Variants in TMTC2 observed in about 807,000 individuals in gnomAD.
TMTC2 encodes the protein protein O-mannosyl-transferase TMTC2.
A neutral mutation model predicts 82.4 loss-of-function variants in TMTC2; 43 were observed. The observed-to-expected ratio is 0.52, with a 90% CI of 0.41 to 0.67. The LOEUF (loss-of-function observed/expected upper bound fraction) is 0.67. Among genes scored for constraint, TMTC2 ranks in the 30% least tolerant of loss-of-function variants. The probability of loss-of-function intolerance (pLI) is 0.00; values close to 1 mark genes in which losing one functional copy is unlikely to be tolerated. For synonymous variants in TMTC2, 408 were observed against 381.9 expected, an observed-to-expected ratio of 1.07 and a Z score of -0.80; for missense variants, 919 against 1,012.4, an observed-to-expected ratio of 0.91 and a Z score of 1.25.
intron 4 of TMTC2, among the ~76,000 whole-genome samples, chr12:82,939,362 T>C (rs1876577907): frequency 6.6e-6 from 1 of 152,220 alleles, no homozygotes; most frequent in Middle Eastern, 3.4e-3. Context: ...TTAATTTCTA[T>C]ATAGAAAAAA....
intron 11 of TMTC2, among the ~76,000 whole-genome samples, chr12:83,074,570 G>A (rs1265339954): frequency 6.6e-6 from 1 of 152,028 alleles, no homozygotes; most frequent in Non-Finnish European, 1.5e-5. Context: ...TGTGTACCTA[G>A]GAGGATCATG....
intron 4 of TMTC2, among the ~76,000 whole-genome samples, chr12:82,958,364 A>C (rs1450463156): frequency 3.9e-5 from 4 of 103,550 alleles, no homozygotes; most frequent in East Asian, 2.4e-4. Context: ...CAAAAAAAAA[A>C]AAAAAACAAA....
intron 1 of TMTC2, among the ~76,000 whole-genome samples, chr12:82,739,152 A>G (rs999810762): frequency 1.3e-5 from 2 of 151,754 alleles, no homozygotes; most frequent in Non-Finnish European, 2.9e-5. Context: ...TGTCTTAAAA[A>G]AAAAAAAAAA....
chr12:82,976,943 A>G (rs966822238), intron 7 of TMTC2, among the ~76,000 whole-genome samples: 11 of 152,202 alleles, frequency 7.2e-5, no homozygotes, highest in Non-Finnish European at 1.3e-4. Flanking sequence ...GGTATTTGTC[A>G]GCTATTTATC....
intron 11 of TMTC2, among the ~76,000 whole-genome samples, chr12:83,122,723 G>C (rs961533804): frequency 3.9e-5 from 6 of 152,102 alleles, no homozygotes; most frequent in African/African-American, 1.4e-4. Flanking sequence ...AGGGTATGTG[G>C]GTCCTCTCAG....
chr12:82,902,325 T>C (rs753052466), intron 3 of TMTC2, among the ~76,000 whole-genome samples: 3 of 152,132 alleles, frequency 2.0e-5, no homozygotes, highest in Non-Finnish European at 2.9e-5. Context: ...TCCAGCAGCT[T>C]GTCAAAATGA....
At chr12:82,979,830 C>A (rs1221322033) in intron 7 of TMTC2, among the ~76,000 whole-genome samples, 1 of 151,738 alleles carries the variant, frequency 6.6e-6, no homozygotes, top group Non-Finnish European at 1.5e-5. Context: ...GTCTATTTCT[C>A]CTTCATGTTT....
At chr12:82,717,207 G>A (rs1873941690) in intron 1 of TMTC2, among the ~76,000 whole-genome samples, 1 of 150,118 alleles carries the variant, frequency 6.7e-6, no homozygotes, top group African/African-American at 2.5e-5. Context: ...TTACTTTACA[G>A]GCAAAAGGCA....
chr12:82,761,411 G>A (rs566656189), intron 1 of TMTC2, among the ~76,000 whole-genome samples: 3 of 152,270 alleles, frequency 2.0e-5, no homozygotes, highest in African/African-American at 7.2e-5. Context: ...AGTGTCAGTT[G>A]GGATGGAGAT....
intron 1 of TMTC2, among the ~76,000 whole-genome samples, chr12:82,809,279 A>G (rs1000462572): frequency 1.3e-5 from 2 of 152,030 alleles, no homozygotes; most frequent in Admixed American, 6.6e-5. Context: ...GATTTTTTTA[A>G]CAGAGAAAAA....
chr12:82,930,750 T>C (rs574733275), intron 4 of TMTC2, among the ~76,000 whole-genome samples: 3 of 152,220 alleles, frequency 2.0e-5, no homozygotes, highest in Non-Finnish European at 2.9e-5. Context: ...TGTGTACTTA[T>C]ATGTTATGCC....
At chr12:83,047,535 A>G (rs903222815) in intron 9 of TMTC2, among the ~76,000 whole-genome samples, 1 of 152,210 alleles carries the variant, frequency 6.6e-6, no homozygotes, top group Non-Finnish European at 1.5e-5. Flanking sequence ...CTGTGCCTTT[A>G]TCACATAGCA....
chr12:82,865,366 C>T (rs1871792638), intron 2 of TMTC2, among the ~76,000 whole-genome samples: 1 of 152,140 alleles, frequency 6.6e-6, no homozygotes, highest in Non-Finnish European at 1.5e-5. Flanking sequence ...CAATCCTAGT[C>T]TCTGATAAAA....
intron 1 of TMTC2, among the ~76,000 whole-genome samples, chr12:82,690,849 G>A (rs1256010877): frequency 6.6e-6 from 1 of 152,050 alleles, no homozygotes; most frequent in Admixed American, 6.6e-5. Context: ...GAGAAATTTG[G>A]TGTTTAGGTC....
chr12:82,980,433 A>T (rs1322844875), intron 7 of TMTC2, among the ~76,000 whole-genome samples: 9 of 151,736 alleles, frequency 5.9e-5, no homozygotes, highest in Admixed American at 5.9e-4. Flanking sequence ...AAGTTCTCAA[A>T]CTCCATGGAG....
At chr12:82,876,671 T>C (rs924373926) in intron 2 of TMTC2, among the ~76,000 whole-genome samples, 2 of 152,224 alleles carry the variant, frequency 1.3e-5, no homozygotes, top group Non-Finnish European at 2.9e-5. Context: ...TTTTTAAGTA[T>C]AACTTTATAA....
At chr12:82,877,002 C>G (rs1872614951) in intron 2 of TMTC2, among the ~76,000 whole-genome samples, 1 of 152,086 alleles carries the variant, frequency 6.6e-6, no homozygotes, top group Middle Eastern at 3.4e-3. Flanking sequence ...TCCAAATTGG[C>G]TAATTTAAAA....
At chr12:83,002,967 G>GT (rs747114843) in intron 8 of TMTC2, among the ~76,000 whole-genome samples, 2 of 151,802 alleles carry the variant, frequency 1.3e-5, no homozygotes, top group Middle Eastern at 3.4e-3. Context: ...GTTTTGTTTT[G>GT]TTTTTTAGTT....
intron 9 of TMTC2, among the ~76,000 whole-genome samples, chr12:83,033,805 C>T (rs201004997): frequency 7.3e-6 from 1 of 137,324 alleles, no homozygotes. Context: ...TATATATACA[C>T]ATATATGTGT....
Sources: allele counts gnomAD v4.1 joint callset (sites outside exome capture counted in the v4.1 genomes callset), GRCh38; gene constraint gnomAD v4.1.1; transcripts MANE v1.5; gene names NCBI Gene and HGNC (gene_info 2026-07-23, HGNC 2026-07-21).